Variants in TTLL5 observed in about 807,000 individuals in gnomAD.
The protein encoded by TTLL5 is tubulin tyrosine ligase like 5, also known as tubulin polyglutamylase TTLL5.
TTLL5 carries 132 observed loss-of-function variants against 168.4 expected under a neutral mutation model. The observed-to-expected ratio is 0.78, with a 90% CI of 0.68 to 0.91. TTLL5 has a LOEUF of 0.91. TTLL5 is among the 40% of genes least tolerant of loss of function. The pLI is 0.00. For synonymous variants in TTLL5, 546 were observed against 558.6 expected (o/e 0.98, Z 0.32); for missense variants, 1,545 against 1,581.5 (o/e 0.98, Z 0.39).
rs540833285 is a variant in TTLL5 at position 75,717,700 on chromosome 14, A to T, written c.741-161A>T. 171 of 618,544 alleles carry T rather than the reference A, an allele frequency of 2.8e-4. No homozygotes were observed. In the Middle Eastern group the frequency reaches 3.1e-3, roughly 11 times the overall value. 38.3% of individuals were successfully genotyped at this position (618,544 alleles called of 1,614,324 possible). Reference sequence around the variant, plus strand: ...CTTTAAGGATTGAATTAAGTATGACATTATAAAACACTTAGAATGGGAGTT... The same window carrying T: ...CTTTAAGGATTGAATTAAGTATGACTTTATAAAACACTTAGAATGGGAGTT... On this transcript the variant is annotated intron_variant, in intron 9 of 31. Transcript: ENST00000298832.
intron 26 of TTLL5, among the ~76,000 whole-genome samples, chr14:75,783,971 T>C (rs1892217676): frequency 6.6e-6 from 1 of 152,248 alleles, no homozygotes; most frequent in African/African-American, 2.4e-5. Context: ...GAAATAGACC[T>C]ATAGTGTCAA....
At chr14:75,887,792 A>C (rs2032193368) in intron 30 of TTLL5, among the ~76,000 whole-genome samples, 1 of 152,220 alleles carries the variant, frequency 6.6e-6, no homozygotes, top group Admixed American at 6.5e-5. Context: ...CAATGTATGC[A>C]CTTAGGAACT....
intron 15 of TTLL5, among the ~76,000 whole-genome samples, chr14:75,738,088 TTAGAAGCTCTGCCACAA>T (rs1397719228): frequency 2.0e-5 from 3 of 152,212 alleles, no homozygotes; most frequent in African/African-American, 7.2e-5. Flanking sequence ...TTTATAAATC[TTAGAAGCTCTGCCACAA>T]TAGTGTCTCA....
intron 29 of TTLL5, among the ~76,000 whole-genome samples, chr14:75,870,517 T>G (rs1440758225): frequency 6.6e-6 from 1 of 152,168 alleles, no homozygotes; most frequent in African/African-American, 2.4e-5. Flanking sequence ...AGTAATGGGT[T>G]TAGCACCTAA....
chr14:75,886,809 T>G (rs1280597277), intron 30 of TTLL5: 3 of 1,578,930 alleles, frequency 1.9e-6, no homozygotes, highest in East Asian at 4.5e-5. Flanking sequence ...AACTGTCTCT[T>G]GTAAATGAGC....
intron 15 of TTLL5, among the ~76,000 whole-genome samples, chr14:75,735,814 C>T (rs1026140157): frequency 2.0e-5 from 3 of 152,166 alleles, no homozygotes; most frequent in Admixed American, 1.3e-4. Context: ...AGCATTGCTT[C>T]GGTCTTTGTG....
chr14:75,936,816 T>C (rs2034446671), intron 31 of TTLL5, among the ~76,000 whole-genome samples: 1 of 152,102 alleles, frequency 6.6e-6, no homozygotes, highest in Admixed American at 6.6e-5. Flanking sequence ...TTGGTTGGAA[T>C]AGAAGAAGTG....
intron 30 of TTLL5, chr14:75,886,705 G>T (rs765027092): frequency 1.3e-6 from 2 of 1,597,730 alleles, no homozygotes; most frequent in Non-Finnish European, 1.7e-6. Flanking sequence ...TTTAGTACCC[G>T]CTTCAGATCC....
intron 29 of TTLL5, among the ~76,000 whole-genome samples, chr14:75,870,399 C>T (rs912277133): frequency 7.2e-5 from 11 of 152,104 alleles, no homozygotes; most frequent in Admixed American, 2.0e-4. Context: ...TGAGCCACCA[C>T]GCCCGGCCTC....
chr14:75,826,247 G>T (rs1895121815), intron 28 of TTLL5, among the ~76,000 whole-genome samples: 2 of 151,092 alleles, frequency 1.3e-5, no homozygotes, highest in Admixed American at 1.3e-4. Flanking sequence ...ACTCCACACT[G>T]CTTTGAAGTA....
chr14:75,778,216 C>T (rs1295864553), intron 23 of TTLL5, among the ~76,000 whole-genome samples: 2 of 152,062 alleles, frequency 1.3e-5, no homozygotes, highest in Non-Finnish European at 2.9e-5. Flanking sequence ...AACATAATTA[C>T]TTCTGATTGG....
At chr14:75,916,116 A>G (rs891487647) in intron 31 of TTLL5, among the ~76,000 whole-genome samples, 10 of 149,164 alleles carry the variant, frequency 6.7e-5, no homozygotes, top group Admixed American at 6.7e-4. Flanking sequence ...ACAGAGCAAG[A>G]CTGTCACAAG....
intron 27 of TTLL5, among the ~76,000 whole-genome samples, chr14:75,816,570 A>G (rs1005412987): frequency 2.0e-5 from 3 of 152,208 alleles, no homozygotes; most frequent in East Asian, 1.9e-4. Context: ...CCATTCACTA[A>G]TCTCCAGACG....
intron 29 of TTLL5, among the ~76,000 whole-genome samples, chr14:75,876,593 A>G (rs112452980): frequency 6.6e-5 from 10 of 152,324 alleles, no homozygotes; most frequent in South Asian, 4.1e-4. Flanking sequence ...TGGTCTCTCT[A>G]TATGAAGAGG....
intron 28 of TTLL5, chr14:75,820,903 A>G (rs902743468): frequency 4.6e-5 from 7 of 152,028 alleles, no homozygotes; most frequent in Admixed American, 4.6e-4. Flanking sequence ...CGAATGCGCT[A>G]GAGAGAAATG....
Position 75,735,267 on chromosome 14 carries a change from G to A in TTLL5, c.1259G>A (p.Arg420Gln), listed in dbSNP as rs770816273. ...TATCCCACCTTTGAGTCTTCCAGGCGAAACCCTTTCCAGAAACCTCAGGTA... is the reference window on the plus strand; with the variant it reads ...TATCCCACCTTTGAGTCTTCCAGGCAAAACCCTTTCCAGAAACCTCAGGTA... ...PIYPTFESSR[R>Q]NPFQKPQRCR... Residue 420 changes from arginine to glutamine, a missense_variant, in exon 15 of 32, where the codon CGA (arginine) becomes CAA (glutamine). By Grantham distance (43) the Arg-to-Gln change is conservative (BLOSUM62 1). Transcript: ENST00000298832. The A allele has an allele frequency of 2.0e-5, 32 of 1,614,066 alleles. No homozygotes were observed. In the Admixed American group the frequency reaches 3.0e-4, roughly 15 times the overall value.
chr14:75,777,772 A>G (rs536341525), intron 23 of TTLL5, among the ~76,000 whole-genome samples: 45 of 152,310 alleles, frequency 3.0e-4, no homozygotes, highest in African/African-American at 8.2e-4. Flanking sequence ...GAGCTTATCA[A>G]TCACCAGCAT....
chr14:75,844,431 A>G (rs1486106104), intron 28 of TTLL5, among the ~76,000 whole-genome samples: 1 of 152,216 alleles, frequency 6.6e-6, no homozygotes, highest in Non-Finnish European at 1.5e-5. Context: ...TGTAGCAATA[A>G]TTGTTAGAAA....
intron 31 of TTLL5, among the ~76,000 whole-genome samples, chr14:75,925,450 A>G (rs1271944817): frequency 1.6e-4 from 4 of 25,048 alleles, no homozygotes; most frequent in Admixed American, 4.9e-4. Context: ...CACATCCCAG[A>G]CGGGGCGGCG....
Sources: gnomAD v4.1 joint callset for allele counts (sites outside exome capture counted in the v4.1 genomes callset) on GRCh38, gnomAD v4.1.1 for gene constraint, MANE v1.5 for transcripts, NCBI Gene and HGNC (gene_info 2026-07-23, HGNC 2026-07-21) for gene names.